The following RPH3AL variants were observed in gnomAD, a reference collection of about 807,000 sequenced individuals.
RPH3AL encodes the protein rab effector Noc2.
In RPH3AL, 38 loss-of-function variants were observed where a neutral mutation model predicts 43.1. That is an observed-to-expected ratio of 0.88 (90% CI 0.68 to 1.15). The LOEUF (loss-of-function observed/expected upper bound fraction) is 1.15, where lower values mean the gene tolerates loss of function less well. Ranked by LOEUF, RPH3AL falls within the 50% of genes most tolerant of loss-of-function variation. RPH3AL has a pLI of 0.00. For synonymous variants in RPH3AL, 189 were observed against 176.3 expected (o/e 1.07, Z -0.57); for missense variants, 462 against 423.2 (o/e 1.09, Z -0.81).
At chr17:286,388 C>G (rs2042912074) in intron 5 of RPH3AL, among the ~76,000 whole-genome samples, 1 of 152,112 alleles carries the variant, frequency 6.6e-6, no homozygotes, top group Admixed American at 6.5e-5. Context: ...CACCTGGGGT[C>G]AGTTCTCCAC....
rs924102060 is a variant in RPH3AL at position 323,184 on chromosome 17, C to T, written c.78-1769G>A. On this transcript the variant is annotated intron_variant, in intron 3 of 9. Transcript: ENST00000331302. The surrounding 1 kb of genome is among the most constrained non-coding windows in gnomAD (Gnocchi z 4.4). ...AGGCGGGTTCAGGCAGAGGAGATCA[C>T]ACACGAAAGGCAGGGGGCATGGGTG... 6.6e-6 allele frequency among the ~76,000 whole-genome samples: 1 copy of T among 151,824 alleles called. No homozygotes were observed. Among genetic ancestry groups the T allele is most frequent in the African/African-American group, 2.4e-5 (1 of 41,280 alleles).
intron 1 of RPH3AL, among the ~76,000 whole-genome samples, chr17:334,842 C>T (rs1388216096): frequency 8.5e-6 from 1 of 117,268 alleles, no homozygotes; most frequent in Non-Finnish European, 1.9e-5. Flanking sequence ...CTTCTCCCCA[C>T]GCCTTCCCCC....
chr17:330,353 C>T (rs920410494), intron 2 of RPH3AL, among the ~76,000 whole-genome samples: 14 of 152,230 alleles, frequency 9.2e-5, no homozygotes, highest in Non-Finnish European at 1.5e-4. Context: ...CCAGATCACC[C>T]AGGACCTCCT....
chr17:309,391 T>C lies in RPH3AL; in HGVS notation c.351+10029A>G, dbSNP rs1207871215. Among the ~76,000 whole-genome samples, 5 of 151,738 alleles carry C rather than the reference T, an allele frequency of 3.3e-5. No homozygotes were observed. The East Asian group carries it at 9.7e-4, about 29-fold the overall frequency. ...AAGCTGAAGCCTTAGGAAAATGGCA[T>C]GTACCCCGCCCTGCCCAGGGCTCCT... On this transcript the variant is annotated intron_variant, in intron 5 of 9. Transcript: ENST00000331302.
At chr17:301,521 T>C (rs962590383) in intron 5 of RPH3AL, among the ~76,000 whole-genome samples, 5 of 152,138 alleles carry the variant, frequency 3.3e-5, no homozygotes, top group Non-Finnish European at 5.9e-5. Context: ...CCCGGGCTGG[T>C]CTCAAACTCC....
intron 4 of RPH3AL, among the ~76,000 whole-genome samples, chr17:320,835 C>T (rs1050306804): frequency 2.6e-5 from 4 of 152,206 alleles, no homozygotes; most frequent in Admixed American, 1.3e-4. Context: ...CTGTGGTCGG[C>T]GCTGGAGGCG....
chr17:228,411 G>T (rs1185043992), intron 7 of RPH3AL, among the ~76,000 whole-genome samples: 4 of 152,124 alleles, frequency 2.6e-5, no homozygotes, highest in African/African-American at 9.7e-5. Context: ...CTCACCCCGG[G>T]TTGTCGTGAG....
chr17:342,777 T>C (rs1249067018), intron 1 of RPH3AL, among the ~76,000 whole-genome samples: 1 of 152,198 alleles, frequency 6.6e-6, no homozygotes, highest in Non-Finnish European at 1.5e-5. Flanking sequence ...AGGTCATCCA[T>C]GACATCCCCC....
At chr17:258,961 C>A (rs1322022273) in intron 6 of RPH3AL, among the ~76,000 whole-genome samples, 1 of 152,078 alleles carries the variant, frequency 6.6e-6, no homozygotes, top group Non-Finnish European at 1.5e-5. Flanking sequence ...AAAAGCCCGT[C>A]AACTTCATAC....
chr17:241,860 A>T (rs56078139), intron 7 of RPH3AL, among the ~76,000 whole-genome samples: 2,152 of 152,118 alleles, frequency 0.014, 55 homozygotes, highest in African/African-American at 0.05. Flanking sequence ...TCATGCTGGT[A>T]ATCCCCGCAC....
chr17:331,464 G>A (rs1235446804), intron 2 of RPH3AL: 55 of 861,954 alleles, frequency 6.4e-5, no homozygotes, highest in Non-Finnish European at 7.8e-5. Context: ...TTCAGGCCCC[G>A]GCTCTGGGAC....
chr17:230,398 A>G (rs2041204849), intron 7 of RPH3AL, among the ~76,000 whole-genome samples: 1 of 152,212 alleles, frequency 6.6e-6, no homozygotes. Flanking sequence ...AGAGAACGCG[A>G]AGTGCGGGGG....
chr17:329,309 C>T (rs549417648), intron 2 of RPH3AL, among the ~76,000 whole-genome samples: 1 of 152,142 alleles, frequency 6.6e-6, no homozygotes, highest in East Asian at 1.9e-4. Context: ...CCCGCCTCTA[C>T]TAAAAATACA....
Position 333,411 on chromosome 17 carries a change from G to A in RPH3AL, c.-37+348C>T. On this transcript the variant is annotated intron_variant, in intron 2 of 9. Transcript: ENST00000331302. The surrounding 1 kb of genome is among the most constrained non-coding windows in gnomAD (Gnocchi z 4.5). ...CTTCCAACTTTTCCTGGGCATTTAT[G>A]TACAAATTGTAATAAAATTGGGTTC... The A allele has an allele frequency of 2.7e-6, 2 of 742,910 alleles. No homozygotes were observed. The highest frequency in any genetic ancestry group is 3.8e-6 in the Non-Finnish European group (2 of 523,206). 46.0% of individuals were successfully genotyped at this position (742,910 alleles called of 1,614,324 possible).
Position 327,589 on chromosome 17 carries a change from A to C in RPH3AL, c.-36-10T>G. 6.3e-7 allele frequency: 1 copy of C among 1,575,420 alleles called. No homozygotes were observed. The highest frequency in any genetic ancestry group is 8.7e-7 in the Non-Finnish European group (1 of 1,146,976). On this transcript the variant is annotated splice_polypyrimidine_tract_variant and intron_variant, in intron 2 of 9. Transcript: ENST00000331302. Reference sequence around the variant, plus strand: ...GGGTGGGGAGTCACATCTGAGATGAAGGAGGGAAGACGAAAGAGTGTGCAT... The same window carrying C: ...GGGTGGGGAGTCACATCTGAGATGACGGAGGGAAGACGAAAGAGTGTGCAT...
chr17:261,343 G>C (rs1318996903), intron 6 of RPH3AL, among the ~76,000 whole-genome samples: 1 of 152,178 alleles, frequency 6.6e-6, no homozygotes, highest in East Asian at 1.9e-4. Flanking sequence ...CCAGGAGAAT[G>C]TGCTTCCTCT....
chr17:347,719 A>C (rs916877685), intron 1 of RPH3AL, among the ~76,000 whole-genome samples: 3 of 152,234 alleles, frequency 2.0e-5, no homozygotes, highest in African/African-American at 7.2e-5. Flanking sequence ...CTGAACAGTT[A>C]TCTCTATTCA....
At chr17:280,047 T>C (rs1457962606) in intron 6 of RPH3AL, among the ~76,000 whole-genome samples, 1 of 152,194 alleles carries the variant, frequency 6.6e-6, no homozygotes, top group Non-Finnish European at 1.5e-5. Context: ...ACGGAAGTGA[T>C]AGAGGAAAAT....
At chr17:231,024 TTTC>T (rs2041219559) in intron 7 of RPH3AL, among the ~76,000 whole-genome samples, 1 of 152,200 alleles carries the variant, frequency 6.6e-6, no homozygotes, top group African/African-American at 2.4e-5. Context: ...TGCCTCTGAA[TTTC>T]TTATCTTCAT....
Sources: gnomAD v4.1 joint callset for allele counts (sites outside exome capture counted in the v4.1 genomes callset) on GRCh38, gnomAD v4.1.1 for gene constraint, Gnocchi (gnomAD v3.1) non-coding constraint, MANE v1.5 for transcripts, NCBI Gene and HGNC (gene_info 2026-07-23, HGNC 2026-07-21) for gene names.